Variants in TMEM14A observed in about 807,000 individuals in gnomAD.
TMEM14A encodes the protein transmembrane protein 14A.
In TMEM14A, 8 loss-of-function variants were observed where a neutral mutation model predicts 11.6. The observed-to-expected ratio is 0.69, with a 90% CI of 0.40 to 1.24. The LOEUF is 1.24. Among genes scored for constraint, TMEM14A ranks in the 50% most tolerant of loss-of-function variants. TMEM14A has a pLI of 0.01. For synonymous variants in TMEM14A, 34 were observed against 45.5 expected (o/e 0.75, Z 1.02); for missense variants, 108 against 121.9 (o/e 0.89, Z 0.54).
In TMEM14A at chr6:52,677,141, A is replaced by G. The variant is rs1581742802; in HGVS notation, c.39A>G (p.Thr13=). Residue 13 remains threonine, a synonymous_variant, in exon 2 of 5, where the codon ACA becomes ACG. Coordinates refer to ENST00000211314, the MANE Select transcript of TMEM14A (RefSeq NM_014051.4). The stretch of plus-strand genomic sequence containing the variant: ...GTTTTGGTTATGCAGCCCTCGTGAC[A>G]TTTGGAAGCATTTTTGGATATAAGC... The part of the protein sequence containing the change: ...LIGFGYAALV[T]FGSIFGYKRR... 1.2e-6 allele frequency: 2 copies of G among 1,614,200 alleles called. No homozygotes were observed. The highest frequency in any genetic ancestry group is 1.7e-6 in the Non-Finnish European group (2 of 1,180,034).
intron 4 of TMEM14A, 56 bp downstream of exon 4, chr6:52,684,221 A>G (rs1769450522): frequency 2.0e-6 from 3 of 1,488,722 alleles, no homozygotes; most frequent in Non-Finnish European, 9.2e-7. Context: ...GAAGTGCTGA[A>G]TTTTTGGGAA....
At chr6:52,680,639 G>A (rs1229693614) in intron 2 of TMEM14A, among the ~76,000 whole-genome samples, 4 of 50,042 alleles carry the variant, frequency 8.0e-5, no homozygotes, top group Admixed American at 3.1e-4. Context: ...ATATATATGT[G>A]TGTATATATA....
At chr6:52,672,808 T>C (rs116304486) in intron 1 of TMEM14A, among the ~76,000 whole-genome samples, 135 of 152,338 alleles carry the variant, frequency 8.9e-4, no homozygotes, top group African/African-American at 3.1e-3. Flanking sequence ...TTGCTTACTT[T>C]ACTGCAACAG....
intron 2 of TMEM14A, among the ~76,000 whole-genome samples, chr6:52,677,527 T>C (rs1380386238): frequency 2.0e-5 from 3 of 152,140 alleles, no homozygotes; most frequent in Non-Finnish European, 4.4e-5. Flanking sequence ...TGAGTTATAT[T>C]GATCCTGTGT....
chr6:52,676,545 G>T (rs1769260388), intron 1 of TMEM14A, among the ~76,000 whole-genome samples: 1 of 152,192 alleles, frequency 6.6e-6, no homozygotes, highest in Non-Finnish European at 1.5e-5. Flanking sequence ...TGAGCACCAT[G>T]CCTGGCCGAA....
intron 4 of TMEM14A, among the ~76,000 whole-genome samples, chr6:52,684,896 A>G (rs1769464463): frequency 6.6e-6 from 1 of 152,252 alleles, no homozygotes; most frequent in African/African-American, 2.4e-5. Context: ...GAACAACCTA[A>G]CAGTTCACCA....
At chr6:52,681,729 G>A in intron 2 of TMEM14A, 84 bp from the exon 3 acceptor site, 2 of 1,160,788 alleles carry the variant, frequency 1.7e-6, no homozygotes, top group East Asian at 4.7e-5. Context: ...ATTTGAAGGT[G>A]CCTGTATCAT....
intron 3 of TMEM14A, among the ~76,000 whole-genome samples, chr6:52,682,316 CTT>C (rs1293521742): frequency 6.6e-6 from 1 of 152,212 alleles, no homozygotes; most frequent in Non-Finnish European, 1.5e-5. Flanking sequence ...TGCCTTAAGA[CTT>C]AACCTAAAAA....
At chr6:52,679,812 T>C (rs2127263755) in intron 2 of TMEM14A, among the ~76,000 whole-genome samples, 1 of 143,338 alleles carries the variant, frequency 7.0e-6, no homozygotes, top group African/African-American at 2.6e-5. Context: ...TCATCAAGAC[T>C]GAAGTGTAGA....
intron 1 of TMEM14A, among the ~76,000 whole-genome samples, chr6:52,672,530 G>A (rs1769180900): frequency 6.6e-6 from 1 of 151,958 alleles, no homozygotes; most frequent in Admixed American, 6.6e-5. Flanking sequence ...ATCATTCCTA[G>A]CCACCTCCCT....
chr6:52,681,105 TTCATAG>T (rs1041779415), intron 2 of TMEM14A, among the ~76,000 whole-genome samples: 1 of 152,116 alleles, frequency 6.6e-6, no homozygotes, highest in African/African-American at 2.4e-5. Context: ...GTGTGTCTTA[TTCATAG>T]TGTCACTGCC....
chr6:52,685,657 A>G (rs1292940891), intron 4 of TMEM14A, among the ~76,000 whole-genome samples: 1 of 152,092 alleles, frequency 6.6e-6, no homozygotes, highest in Non-Finnish European at 1.5e-5. Context: ...AGTTAATAGA[A>G]AGTAGCTGAG....
intron 4 of TMEM14A, among the ~76,000 whole-genome samples, chr6:52,685,048 C>T (rs1397239369): frequency 2.0e-5 from 3 of 151,994 alleles, no homozygotes; most frequent in Non-Finnish European, 2.9e-5. Context: ...TGAAAACAAC[C>T]ACATATAGTG....
chr6:52,675,552 G>A (rs1305519500), intron 1 of TMEM14A, among the ~76,000 whole-genome samples: 10 of 152,224 alleles, frequency 6.6e-5, no homozygotes, highest in Non-Finnish European at 1.5e-4. Flanking sequence ...TTGTGGGCAG[G>A]GTTTCAGTGG....
chr6:52,680,653 G>GTGTATATATATATA (rs1336856273), intron 2 of TMEM14A, among the ~76,000 whole-genome samples: 1 of 26,988 alleles, frequency 3.7e-5, no homozygotes, highest in Non-Finnish European at 7.6e-5. Flanking sequence ...ATATATATGT[G>GTGTATATATATATA]TGTGTATATA....
At position 52,677,167 on chromosome 6, in the gene TMEM14A, G is replaced by A. The variant is rs773288020; in HGVS notation, c.65G>A (p.Arg22Gln). 12 of 1,614,090 alleles carry A rather than the reference G, an allele frequency of 7.4e-6. No homozygotes were observed. Among genetic ancestry groups the A allele is most frequent in the Admixed American group, 3.3e-5 (2 of 60,006 alleles). The change falls in exon 2 of 5, where the codon CGG becomes CAG. Residue 22 changes from arginine to glutamine, a missense_variant. By Grantham distance (43) the Arg-to-Gln change is conservative. Coordinates refer to ENST00000211314, the MANE Select transcript of TMEM14A (RefSeq NM_014051.4). ...TTTGGAAGCATTTTTGGATATAAGC[G>A]GAGAGGTAAGCCTAACCCAAATTTT... is the stretch of plus-strand genomic sequence containing the variant. The part of the protein sequence containing the change: ...VTFGSIFGYK[R>Q]RGGVPSLIAG...
chr6:52,673,444 T>G (rs9349639), intron 1 of TMEM14A, among the ~76,000 whole-genome samples: 103,352 of 151,998 alleles, frequency 0.68, 37,166 homozygotes, highest in South Asian at 0.82. Context: ...GCGGTTGTTT[T>G]CCTGCCCAGC....
At chr6:52,676,956 C>T in intron 1 of TMEM14A, 131 bp from the exon 2 acceptor site, 1 of 814,538 alleles carries the variant, frequency 1.2e-6, no homozygotes, top group Non-Finnish European at 2.0e-6. Context: ...CTCCAACACT[C>T]AGGATCACAA....
chr6:52,674,470 T>C (rs2670142), intron 1 of TMEM14A, among the ~76,000 whole-genome samples: 105,328 of 152,020 alleles, frequency 0.69, 38,146 homozygotes, highest in South Asian at 0.82. Flanking sequence ...ATTCTCTGTG[T>C]GCCACTTTCC....
Sources: allele counts gnomAD v4.1 joint callset (sites outside exome capture counted in the v4.1 genomes callset), GRCh38; gene constraint gnomAD v4.1.1; transcripts MANE v1.5; gene names NCBI Gene and HGNC (gene_info 2026-07-23, HGNC 2026-07-21).